Variants in MATN3 observed in about 807,000 individuals in gnomAD.
MATN3 encodes matrilin 3.
MATN3 carries 48 observed loss-of-function variants against 45.3 expected under a neutral mutation model. That is an observed-to-expected ratio of 1.06 (90% CI 0.84 to 1.35). The LOEUF (loss-of-function observed/expected upper bound fraction) is 1.35, where lower values mean the gene tolerates loss of function less well. MATN3 is among the 40% of genes most tolerant of loss of function. The pLI is 0.00. For synonymous variants in MATN3, 217 were observed against 245.9 expected (o/e 0.88, Z 1.10); for missense variants, 599 against 628.0 (o/e 0.95, Z 0.49).
rs1297090523 is a variant in MATN3, at chr2:20,012,159, T to C, written c.223+250A>G. Reference sequence around the variant, plus strand: ...CAGCCCCTGCGCTCCCCAGCTGCCCTGTGCTCCTGGCCGAATCACAGGGGA... The same window carrying C: ...CAGCCCCTGCGCTCCCCAGCTGCCCCGTGCTCCTGGCCGAATCACAGGGGA... On this transcript the variant is annotated intron_variant, in intron 1 of 7. Transcript: ENST00000407540. The surrounding 1 kb of genome is among the most constrained non-coding windows in gnomAD (Gnocchi z 4.3). 6.6e-6 allele frequency among the ~76,000 whole-genome samples: 1 copy of C among 152,202 alleles called. No individual in the cohort carries two copies. The highest frequency in any genetic ancestry group is 1.5e-5 in the Non-Finnish European group (1 of 68,018).
rs766686702 is a variant in MATN3, at chr2:20,005,883, G to A, written c.651C>T (p.Leu217=). 2.9e-5 allele frequency: 46 copies of A among 1,609,536 alleles called. No homozygotes were observed. Among genetic ancestry groups the A allele is most frequent in the Non-Finnish European group, 3.8e-5 (45 of 1,177,996 alleles). ...CTGCCCGGTCCACGCCCACAGCATA[G>A]AGCTCAATACCAGATGCTTGGGCCC... ...AARAQASGIE[L]YAVGVDRADM... is the part of the protein sequence containing the mutation. Residue 217 remains leucine, a synonymous_variant, in exon 2 of 8, where the codon CTC becomes CTT. Transcript: ENST00000407540.
chr2:20,002,023 C>G lies in MATN3; in HGVS notation c.974G>C (p.Arg325Thr). 1 of 1,613,332 alleles carries G rather than the reference C, an allele frequency of 6.2e-7. No homozygotes were observed. The highest frequency in any genetic ancestry group is 8.5e-7 in the Non-Finnish European group (1 of 1,179,310). The change falls in exon 4 of 8, where the codon AGA (arginine) becomes ACA (threonine). Residue 325 changes from arginine to threonine, a missense_variant. By Grantham distance (71) the Arg-to-Thr change is moderately conservative. Transcript: ENST00000407540. ...HGCEHICVND[R>T]SGSYHCECYE... is the part of the protein sequence containing the mutation. Reference sequence around the variant, plus strand: ...GCACTCACAATGATAAGAGCCACTTCTGTCATTCACACAGATGTGCTCACA... The same window carrying G: ...GCACTCACAATGATAAGAGCCACTTGTGTCATTCACACAGATGTGCTCACA...
chr2:20,002,771 T>C (rs1224914619), intron 3 of MATN3, among the ~76,000 whole-genome samples: 2 of 151,706 alleles, frequency 1.3e-5, no homozygotes, highest in Non-Finnish European at 2.9e-5. Context: ...GGCTTTTTTT[T>C]TTAAATTATT....
At chr2:20,002,717 G>A (rs917137689) in intron 3 of MATN3, among the ~76,000 whole-genome samples, 4 of 151,490 alleles carry the variant, frequency 2.6e-5, no homozygotes, top group Non-Finnish European at 5.9e-5. Context: ...CTCCCATCTC[G>A]GCCTCCCAAG....
intron 4 of MATN3, 57 bp from the exon 5 acceptor site, chr2:20,000,623 C>T (rs1459317643): frequency 1.3e-6 from 2 of 1,532,918 alleles, no homozygotes; most frequent in African/African-American, 2.8e-5. Flanking sequence ...ATTTTATTAC[C>T]CAGGATAGAA....
Position 20,006,011 on chromosome 2 carries a change from T to C in MATN3, c.523A>G (p.Thr175Ala). Residue 175 changes from threonine (T) to alanine (A), a missense_variant, in exon 2 of 8, where the codon ACA (threonine) becomes GCA (alanine). By Grantham distance (58) the Thr-to-Ala change is moderately conservative. Coordinates refer to ENST00000407540, the MANE Select transcript of MATN3 (RefSeq NM_002381.5). ...AIQTAMDEAF[T>A]VEAGAREPSS... The stretch of plus-strand genomic sequence containing the variant: ...GGCTCTCGAGCCCCTGCCTCCACTG[T>C]GAAGGCTTCGTCCATTGCTGTCTGG... The C allele has an allele frequency of 6.2e-7, 1 of 1,614,018 alleles. No homozygotes were observed. Among genetic ancestry groups the C allele is most frequent in the Non-Finnish European group, 8.5e-7 (1 of 1,179,890 alleles).
chr2:20,010,064 T>TCCAAAAAAAAAAAAAA (rs1247085339), intron 1 of MATN3, among the ~76,000 whole-genome samples: 16 of 10,776 alleles, frequency 1.5e-3, no homozygotes, highest in South Asian at 5.0e-3. Context: ...TCTCTTCAAA[T>TCCAAAAAAAAAAAAAA]ACTAAAAAAA....
At chr2:19,994,548 T>G in intron 6 of MATN3, 139 bp from the exon 7 acceptor site, 1 of 592,288 alleles carries the variant, frequency 1.7e-6, no homozygotes, top group Non-Finnish European at 3.0e-6. Context: ...AAGGGATAGA[T>G]GAACAAACAA....
Position 19,992,419 on chromosome 2 carries a change from T to C in MATN3, c.*692A>G, listed in dbSNP as rs1293620925. 6.6e-6 allele frequency: 1 copy of C among 152,138 alleles called. No homozygotes were observed. The highest frequency in any genetic ancestry group is 1.9e-4 in the East Asian group (1 of 5,202). 9.4% of individuals were successfully genotyped at this position (152,138 alleles called of 1,614,324 possible). Reference sequence around the variant, plus strand: ...TCCTGAAGCAAAATAATAAAGTGAATTTGGGATTTTTGTACTTGGTAAAAA... The same window carrying C: ...TCCTGAAGCAAAATAATAAAGTGAACTTGGGATTTTTGTACTTGGTAAAAA... On this transcript the variant is annotated 3_prime_UTR_variant, in exon 8 of 8. Transcript: ENST00000407540.
At position 20,005,913 on chromosome 2, in the gene MATN3, C is replaced by T. The variant is rs528598406; in HGVS notation, c.621G>A (p.Ala207=). The T allele has an allele frequency of 1.7e-5, 27 of 1,612,774 alleles. No individual in the cohort carries two copies. The highest frequency in any genetic ancestry group is 1.6e-4 in the Middle Eastern group (1 of 6,084). The change falls in exon 2 of 8, where the codon GCG becomes GCA. Residue 207 remains alanine (A), a synonymous_variant. Coordinates refer to ENST00000407540, the MANE Select transcript of MATN3 (RefSeq NM_002381.5). ...CAATACCAGATGCTTGGGCCCGAGCCGCCACCTCATTCACCTGGTCCTGGG... is the reference window on the plus strand; with the variant it reads ...CAATACCAGATGCTTGGGCCCGAGCTGCCACCTCATTCACCTGGTCCTGGG... ...GRPQDQVNEV[A]ARAQASGIEL... is the part of the protein sequence containing the mutation.
At chr2:20,005,495 C>T (rs752540577) in intron 2 of MATN3, among the ~76,000 whole-genome samples, 1 of 152,122 alleles carries the variant, frequency 6.6e-6, no homozygotes, top group Admixed American at 6.5e-5. Context: ...ACAGTTCTAA[C>T]GCAAACATGA....
At position 20,006,197 on chromosome 2, in the gene MATN3, G is replaced by C; in HGVS notation, c.337C>G (p.Leu113Val). 1 of 1,613,940 alleles carries C rather than the reference G, an allele frequency of 6.2e-7. No individual in the cohort carries two copies. The highest frequency in any genetic ancestry group is 8.5e-7 in the Non-Finnish European group (1 of 1,179,876). Residue 113 changes from leucine to valine, a missense_variant, in exon 2 of 8, where the codon CTG becomes GTG. By Grantham distance (32) the Leu-to-Val change is conservative. Coordinates refer to ENST00000407540, the MANE Select transcript of MATN3 (RefSeq NM_002381.5). ...KTFVSRIIDTLDIGPADTRVA... is the reference protein window; with the variant it reads ...KTFVSRIIDTVDIGPADTRVA... Reference sequence around the variant, plus strand: ...CGCGTGTCGGCTGGCCCAATGTCCAGAGTGTCGATTATCCGGGAGACAAAA... The same window carrying C: ...CGCGTGTCGGCTGGCCCAATGTCCACAGTGTCGATTATCCGGGAGACAAAA...
At position 20,012,353 on chromosome 2, in the gene MATN3, G is replaced by T; in HGVS notation, c.223+56C>A. Reference sequence around the variant, plus strand: ...CCGGGATGAAGCGCGCTTGGTGGATGCCCTGGGCTTCTCCTCGTTCGATGC... The same window carrying T: ...CCGGGATGAAGCGCGCTTGGTGGATTCCCTGGGCTTCTCCTCGTTCGATGC... On this transcript the variant is annotated intron_variant, in intron 1 of 7. Coordinates refer to ENST00000407540, the MANE Select transcript of MATN3 (RefSeq NM_002381.5). This position sits in a 1 kb window ranked among gnomAD's most constrained non-coding sequence, Gnocchi z 4.3. 8.4e-7 allele frequency: 1 copy of T among 1,189,416 alleles called. No individual in the cohort carries two copies. The highest frequency in any genetic ancestry group is 1.1e-6 in the Non-Finnish European group (1 of 951,146). 73.7% of individuals were successfully genotyped at this position (1,189,416 alleles called of 1,614,324 possible). A position where few individuals can be genotyped will look rare whatever the true frequency, so the allele number is the denominator to read the frequency against.
At chr2:20,003,467 AAT>A (rs1673030117) in intron 2 of MATN3, among the ~76,000 whole-genome samples, 181 bp from the exon 3 acceptor site, 3 of 152,218 alleles carry the variant, frequency 2.0e-5, no homozygotes, top group Non-Finnish European at 4.4e-5. Flanking sequence ...TTAAACTAGA[AAT>A]TGTTGCTAAT....
chr2:19,998,741 A>G (rs7560235), intron 5 of MATN3, among the ~76,000 whole-genome samples: 39,117 of 150,332 alleles, frequency 0.26, 5,747 homozygotes, highest in East Asian at 0.62. Flanking sequence ...GGGTGACAGA[A>G]TGAGACCCTG....
intron 1 of MATN3, among the ~76,000 whole-genome samples, chr2:20,010,066 C>CAAAAAAAAAAAAAAA (rs1558376342): frequency 1.3e-3 from 7 of 5,562 alleles, no homozygotes; most frequent in African/African-American, 2.3e-3. Flanking sequence ...TCTTCAAATA[C>CAAAAAAAAAAAAAAA]TAAAAAAAAA....
chr2:20,010,806 A>G (rs571157844), intron 1 of MATN3, among the ~76,000 whole-genome samples: 1 of 152,370 alleles, frequency 6.6e-6, no homozygotes, highest in African/African-American at 2.4e-5. Flanking sequence ...TGTTGTCTTA[A>G]GGCACTAAAT....
chr2:20,009,959 A>G (rs561769061), intron 1 of MATN3, among the ~76,000 whole-genome samples: 1 of 151,068 alleles, frequency 6.6e-6, no homozygotes, highest in South Asian at 2.1e-4. Context: ...TTGTATAAAA[A>G]CAAGCTGCAC....
chr2:20,006,352 C>T, intron 1 of MATN3, 42 bp from the exon 2 acceptor site: 6 of 1,396,808 alleles, frequency 4.3e-6, no homozygotes, highest in Non-Finnish European at 5.7e-6. Context: ...ATTAGAAATG[C>T]AGTAATCCTC....
Sources: gnomAD v4.1 joint callset for allele counts (sites outside exome capture counted in the v4.1 genomes callset) on GRCh38, gnomAD v4.1.1 for gene constraint, Gnocchi (gnomAD v3.1) non-coding constraint, MANE v1.5 for transcripts, NCBI Gene and HGNC (gene_info 2026-07-23, HGNC 2026-07-21) for gene names.